ALG14: variants seen among roughly 807,000 people sequenced by gnomAD.
The protein encoded by ALG14 is UDP-N-acetylglucosamine transferase subunit ALG14.
A neutral mutation model predicts 22.8 loss-of-function variants in ALG14; 17 were observed. The observed-to-expected ratio is 0.75, with a 90% CI of 0.51 to 1.12. The LOEUF is 1.12. Among genes scored for constraint, ALG14 ranks in the 50% most tolerant of loss-of-function variants. The pLI, the probability that ALG14 is intolerant of heterozygous loss-of-function variation, is 0.00. For synonymous variants in ALG14, 89 were observed against 103.7 expected, an observed-to-expected ratio of 0.86 and a Z score of 0.86; for missense variants, 288 against 271.8, an observed-to-expected ratio of 1.06 and a Z score of -0.42.
chr1:95,018,419 C>T (rs1428892377), intron 3 of ALG14, among the ~76,000 whole-genome samples: 2 of 151,942 alleles, frequency 1.3e-5, no homozygotes, highest in Non-Finnish European at 2.9e-5. Flanking sequence ...TCCTGTAATC[C>T]CTGCTACTCG....
intron 1 of ALG14, among the ~76,000 whole-genome samples, chr1:95,067,892 C>G (rs925100950): frequency 6.6e-6 from 1 of 152,196 alleles, no homozygotes; most frequent in African/African-American, 2.4e-5. Context: ...TCTTGGAGCT[C>G]ATCTCCTGTT....
At chr1:94,983,328 C>A in intron 3 of ALG14, 22 bp from the exon 4 acceptor site, 2 of 1,594,276 alleles carry the variant, frequency 1.3e-6, no homozygotes, top group South Asian at 2.2e-5. Context: ...AGTTGAAGGT[C>A]AAATGAAAAT....
chr1:95,032,844 G>A (rs1003474304), intron 2 of ALG14, among the ~76,000 whole-genome samples: 1 of 152,160 alleles, frequency 6.6e-6, no homozygotes, highest in Non-Finnish European at 1.5e-5. Context: ...GAAACACTGA[G>A]AGCCAGGCTG....
At chr1:95,020,009 G>A (rs1243041335) in intron 3 of ALG14, among the ~76,000 whole-genome samples, 1 of 152,102 alleles carries the variant, frequency 6.6e-6, no homozygotes. Flanking sequence ...CCTGAGGTCA[G>A]GAGTTCAAGA....
At chr1:95,001,073 T>C (rs1172982717) in intron 3 of ALG14, among the ~76,000 whole-genome samples, 1 of 152,204 alleles carries the variant, frequency 6.6e-6, no homozygotes, top group African/African-American at 2.4e-5. Context: ...TAATCACTGG[T>C]TAAATACAAT....
At chr1:95,064,574 G>T (rs965608290) in intron 2 of ALG14, among the ~76,000 whole-genome samples, 5 of 152,044 alleles carry the variant, frequency 3.3e-5, no homozygotes, top group Non-Finnish European at 7.4e-5. Context: ...TTTATGTGAT[G>T]AATTACATTT....
intron 3 of ALG14, among the ~76,000 whole-genome samples, chr1:95,003,601 A>G (rs950179273): frequency 6.6e-6 from 1 of 151,868 alleles, no homozygotes; most frequent in African/African-American, 2.4e-5. Context: ...AGTGTGTGTC[A>G]TCATGCCTGG....
In ALG14 at chr1:95,068,205, T is replaced by A. The variant is rs181677086; in HGVS notation, c.137-3188A>T. On this transcript the variant is annotated intron_variant, in intron 1 of 3. Coordinates refer to ENST00000370205, the MANE Select transcript of ALG14 (RefSeq NM_144988.4). The stretch of plus-strand genomic sequence containing the variant: ...GTCCTATTGAATGAAAGAATGAATG[T>A]TTGATATTAAATCTAACATTTGCCT... Among the ~76,000 whole-genome samples the A allele has an allele frequency of 4.5e-4, 69 of 152,300 alleles. 1 individual carries two copies. In the East Asian group the frequency reaches 0.012, roughly 26 times the overall value.
intron 2 of ALG14, among the ~76,000 whole-genome samples, chr1:95,060,267 A>G (rs1675096388): frequency 1.3e-5 from 2 of 151,994 alleles, no homozygotes; most frequent in South Asian, 2.1e-4. Flanking sequence ...TCCCAGCTTC[A>G]GATTCATGAG....
chr1:95,061,606 A>G (rs1374914343), intron 2 of ALG14: 1 of 152,266 alleles, frequency 6.6e-6, no homozygotes, highest in African/African-American at 2.4e-5. Flanking sequence ...CAACACAGCT[A>G]TAGCAGGGCC....
At chr1:95,014,396 T>C (rs976036512) in intron 3 of ALG14, among the ~76,000 whole-genome samples, 1 of 152,130 alleles carries the variant, frequency 6.6e-6, no homozygotes, top group Non-Finnish European at 1.5e-5. Context: ...GCCTGTGATT[T>C]AAAACACCTC....
chr1:95,067,993 T>C (rs1413865117), intron 1 of ALG14, among the ~76,000 whole-genome samples: 1 of 152,174 alleles, frequency 6.6e-6, no homozygotes, highest in African/African-American at 2.4e-5. Context: ...ACAATCTTCA[T>C]AAAAAAGCAA....
chr1:95,012,771 G>C (rs765471018), intron 3 of ALG14, among the ~76,000 whole-genome samples: 1 of 152,158 alleles, frequency 6.6e-6, no homozygotes, highest in Non-Finnish European at 1.5e-5. Flanking sequence ...GTTCAAAACT[G>C]ATATCACAGG....
intron 3 of ALG14, among the ~76,000 whole-genome samples, chr1:95,020,775 C>CT (rs1016390311): frequency 2.6e-5 from 4 of 151,470 alleles, no homozygotes; most frequent in Admixed American, 1.3e-4. Context: ...CCACAAAACT[C>CT]TAAGTGGTTC....
rs1360024892 is a variant in ALG14, at chr1:95,064,874, T to C, written c.280A>G (p.Ser94Gly). The C allele has an allele frequency of 1.2e-6, 2 of 1,611,834 alleles. No homozygotes were observed. The highest frequency in any genetic ancestry group is 1.7e-6 in the Non-Finnish European group (2 of 1,179,028). Residue 94 changes from serine to glycine, a missense_variant, in exon 2 of 4, where the codon AGT becomes GGT. Ser to Gly is a moderately conservative substitution (Grantham distance 56). Coordinates refer to ENST00000370205, the MANE Select transcript of ALG14 (RefSeq NM_144988.4). ...TAGAAATTGTCACTTACCATGTTAC[T>C]AGGGTCTCTATCAGCTCGATCTAGT... ...FELDRADRDP[S>G]NMYTKYYIHR...
chr1:95,060,129 A>AACACACAC (rs60558070), intron 2 of ALG14, among the ~76,000 whole-genome samples: 1 of 142,942 alleles, frequency 7.0e-6, no homozygotes, highest in Non-Finnish European at 1.5e-5. Context: ...TACACACACA[A>AACACACAC]ACACACACAC....
At chr1:94,985,610 T>A (rs1672622558) in intron 3 of ALG14, among the ~76,000 whole-genome samples, 1 of 152,208 alleles carries the variant, frequency 6.6e-6, no homozygotes. Context: ...TTGTTCCTCT[T>A]TAAAAAAATG....
chr1:95,072,788 G>A lies in ALG14; in HGVS notation c.111C>T (p.Leu37=), dbSNP rs1035901315. 3.1e-6 allele frequency: 5 copies of A among 1,614,170 alleles called. No homozygotes were observed. The highest frequency in any genetic ancestry group is 1.7e-5 in the Admixed American group (1 of 60,014). The change falls in exon 1 of 4, where the codon CTC becomes CTT. Residue 37 remains leucine (L), a synonymous_variant. Transcript: ENST00000370205. ...CGGACCCAGCCACTACCAAGATACT[G>A]AGAGACTCCCGGGGCGTAACGTCCA... is the stretch of plus-strand genomic sequence containing the variant. The part of the protein sequence containing the change: ...RSMDVTPRES[L]SILVVAGSGG...
chr1:95,045,813 A>C (rs2100805245), intron 2 of ALG14, among the ~76,000 whole-genome samples: 1 of 149,292 alleles, frequency 6.7e-6, no homozygotes, highest in Non-Finnish European at 1.5e-5. Flanking sequence ...AGAATGGCAT[A>C]CTAATAGAAT....
Sources: allele counts gnomAD v4.1 joint callset (sites outside exome capture counted in the v4.1 genomes callset), GRCh38; gene constraint gnomAD v4.1.1; transcripts MANE v1.5; gene names NCBI Gene and HGNC (gene_info 2026-07-23, HGNC 2026-07-21).